Variants in KHDRBS2 observed in about 807,000 individuals in gnomAD.
KHDRBS2 encodes the protein KH RNA binding domain containing, signal transduction associated 2.
In KHDRBS2, 26 loss-of-function variants were observed where a neutral mutation model predicts 44.3. That is an observed-to-expected ratio of 0.59 (90% confidence interval 0.43 to 0.81). The LOEUF (loss-of-function observed/expected upper bound fraction) is 0.81. KHDRBS2 is among the 40% of genes least tolerant of loss of function. The pLI, the probability that KHDRBS2 is intolerant of heterozygous loss-of-function variation, is 0.00. For synonymous variants in KHDRBS2, 194 were observed against 151.1 expected (o/e 1.28, Z -2.08); for missense variants, 476 against 433.1 (o/e 1.10, Z -0.88).
chr6:61,592,674 T>C, the KHDRBS2 span, among the ~76,000 whole-genome samples: 2 of 152,276 alleles, frequency 1.3e-5, no homozygotes, highest in African/African-American at 4.8e-5. Context: ...TAGGGTGAAA[T>C]ATTTTTGTTT....
chr6:62,163,536 T>C (rs894017367), intron 2 of KHDRBS2, among the ~76,000 whole-genome samples: 1 of 152,056 alleles, frequency 6.6e-6, no homozygotes, highest in African/African-American at 2.4e-5. Context: ...TCCCAACTAA[T>C]GAGTAGTTTA....
intron 8 of KHDRBS2, among the ~76,000 whole-genome samples, chr6:61,690,130 C>A (rs1451365599): frequency 6.6e-6 from 1 of 151,882 alleles, no homozygotes; most frequent in African/African-American, 2.4e-5. Context: ...TTTTAATACA[C>A]ATAAAAATCT....
the KHDRBS2 span, among the ~76,000 whole-genome samples, chr6:61,674,831 A>G: frequency 6.6e-6 from 1 of 151,770 alleles, no homozygotes; most frequent in Non-Finnish European, 1.5e-5. Flanking sequence ...AAGACAAAAC[A>G]ACCCTACAAA....
intron 7 of KHDRBS2, among the ~76,000 whole-genome samples, chr6:61,716,889 T>A (rs189880931): frequency 6.6e-6 from 1 of 152,216 alleles, no homozygotes; most frequent in East Asian, 1.9e-4. Context: ...TTCCTATTTT[T>A]GAAGCACTGA....
rs1337053451 is a variant in KHDRBS2, at chr6:61,948,320, TA to T, written c.483+29745del. Among the ~76,000 whole-genome samples the T allele has an allele frequency of 2.2e-4, 34 of 152,150 alleles. 1 individual carries two copies. The highest frequency in any genetic ancestry group is 2.9e-5 in the Non-Finnish European group (2 of 68,020). On this transcript the variant is annotated intron_variant, in intron 4 of 8. Transcript: ENST00000281156. ...CATTATTTTATCTGTGTGATTTATG[TA>T]ATTGCATTTTTAAGCTATAATAATT...
chr6:61,923,761 G>A (rs1477913669), intron 4 of KHDRBS2, among the ~76,000 whole-genome samples: 2 of 152,056 alleles, frequency 1.3e-5, no homozygotes, highest in South Asian at 4.1e-4. Context: ...TTAGGGAAAA[G>A]GCAAGTCTGC....
intron 1 of KHDRBS2, among the ~76,000 whole-genome samples, chr6:62,213,860 C>T (rs1251812316): frequency 9.4e-5 from 9 of 95,650 alleles, no homozygotes; most frequent in Non-Finnish European, 1.5e-4. Flanking sequence ...GGTGACAGAG[C>T]GAGACTCCAT....
chr6:62,273,906 T>C (rs1840490492), intron 1 of KHDRBS2, among the ~76,000 whole-genome samples: 1 of 152,086 alleles, frequency 6.6e-6, no homozygotes, highest in Non-Finnish European at 1.5e-5. Flanking sequence ...AGCCCCTCTA[T>C]CCAACCCAAC....
At chr6:61,943,002 G>A in intron 4 of KHDRBS2, among the ~76,000 whole-genome samples, 1 of 120,222 alleles carries the variant, frequency 8.3e-6, no homozygotes, top group Admixed American at 1.0e-4. Flanking sequence ...AAGAAAGAAA[G>A]AAAGAGAGAG....
intron 2 of KHDRBS2, among the ~76,000 whole-genome samples, chr6:62,166,655 TC>T (rs1235522148): frequency 1.3e-4 from 19 of 151,936 alleles, no homozygotes; most frequent in Non-Finnish European, 2.8e-4. Flanking sequence ...TTTCTCCGAA[TC>T]CCCCAAAATA....
At chr6:62,137,749 G>GT (rs917103837) in intron 2 of KHDRBS2, among the ~76,000 whole-genome samples, 40 of 152,034 alleles carry the variant, frequency 2.6e-4, no homozygotes, top group East Asian at 2.3e-3. Flanking sequence ...AACGTATAAA[G>GT]TTTTTTTTAA....
chr6:61,923,431 T>C (rs1239168634), intron 4 of KHDRBS2, among the ~76,000 whole-genome samples: 1 of 152,074 alleles, frequency 6.6e-6, no homozygotes, highest in Non-Finnish European at 1.5e-5. Flanking sequence ...TAAGAAGATA[T>C]ATGTAGTGGA....
intron 1 of KHDRBS2, among the ~76,000 whole-genome samples, chr6:62,241,223 T>A (rs1428777106): frequency 6.6e-6 from 1 of 152,168 alleles, no homozygotes; most frequent in Non-Finnish European, 1.5e-5. Flanking sequence ...ATATTTGTGG[T>A]AACTTAATGA....
At chr6:61,638,538 T>TA in the KHDRBS2 span, among the ~76,000 whole-genome samples, 1 of 152,120 alleles carries the variant, frequency 6.6e-6, no homozygotes, top group East Asian at 1.9e-4. Context: ...GCCTTAGACC[T>TA]AAAACCATAA....
At chr6:62,041,575 G>A (rs1341389279) in intron 3 of KHDRBS2, among the ~76,000 whole-genome samples, 2 of 151,882 alleles carry the variant, frequency 1.3e-5, no homozygotes, top group African/African-American at 4.8e-5. Flanking sequence ...GGGAAATAAG[G>A]GTACAGTACA....
chr6:61,850,422 T>C (rs1042566617), intron 6 of KHDRBS2, among the ~76,000 whole-genome samples: 3 of 152,180 alleles, frequency 2.0e-5, no homozygotes, highest in Non-Finnish European at 2.9e-5. Flanking sequence ...TTTGCATTTA[T>C]TATAAGCAAA....
intron 7 of KHDRBS2, among the ~76,000 whole-genome samples, chr6:61,717,218 A>G (rs1420373696): frequency 1.3e-5 from 2 of 152,088 alleles, no homozygotes; most frequent in Non-Finnish European, 2.9e-5. Flanking sequence ...AATTAACCTT[A>G]AATTAATTAA....
intron 2 of KHDRBS2, among the ~76,000 whole-genome samples, chr6:62,156,375 AATAAAGC>A (rs1195676989): frequency 2.6e-5 from 4 of 152,222 alleles, no homozygotes; most frequent in Non-Finnish European, 5.9e-5. Flanking sequence ...TAAATCTTAC[AATAAAGC>A]ATTTATTTGG....
intron 2 of KHDRBS2, among the ~76,000 whole-genome samples, chr6:62,057,574 A>T (rs1790585614): frequency 6.6e-6 from 1 of 151,938 alleles, no homozygotes; most frequent in Non-Finnish European, 1.5e-5. Context: ...ATTGGTTCTA[A>T]CCTTTTCTTT....
Sources: allele counts gnomAD v4.1 joint callset (sites outside exome capture counted in the v4.1 genomes callset), GRCh38; gene constraint gnomAD v4.1.1; transcripts MANE v1.5; gene names NCBI Gene and HGNC (gene_info 2026-07-23, HGNC 2026-07-21).